Variants in CUBN observed in about 807,000 individuals in gnomAD.
CUBN encodes cubilin, also known as 460 kDa receptor.
Under a neutral mutation model 405.3 loss-of-function variants are expected in CUBN, and 282 were observed. The observed-to-expected ratio is 0.70, with a 90% CI of 0.63 to 0.77. The LOEUF is 0.77. Ranked by LOEUF, CUBN falls within the 30% of genes least tolerant of loss-of-function variation. CUBN has a pLI of 0.00. For missense variants in CUBN, 4,514 were observed against 4,475.2 expected, an observed-to-expected ratio of 1.01 and a Z score of -0.25; for synonymous variants, 1,684 against 1,617.0, an observed-to-expected ratio of 1.04 and a Z score of -0.99.
intron 59 of CUBN, among the ~76,000 whole-genome samples, chr10:16,852,420 ACTCT>A (rs1254564318): frequency 1.4e-4 from 4 of 27,786 alleles, no homozygotes; most frequent in East Asian, 1.1e-3. Flanking sequence ...TCCCTCCCTC[ACTCT>A]ATCTTTCCAT....
chr10:17,047,330 T>A, intron 23 of CUBN, 84 bp downstream of exon 23: 1 of 1,119,108 alleles, frequency 8.9e-7, no homozygotes, highest in South Asian at 1.4e-5. Context: ...AATTTCCATA[T>A]TTTTTTCCTT....
rs763563422 is a variant in CUBN at position 17,019,872 on chromosome 10, G to A, written c.4129C>T (p.Arg1377Cys). ...TGCATCTGAAATCCTTTCTCACGGC[G>A]GCCAACCCCATCTGTAAGGAGCAGC... is the stretch of plus-strand genomic sequence containing the variant. ...QVLLLTDGVG[R>C]REKGFQMQWF... Residue 1377 changes from arginine to cysteine, a missense_variant, in exon 28 of 67, where the codon CGC becomes TGC. Coordinates refer to ENST00000377833, the MANE Select transcript of CUBN (RefSeq NM_001081.4). 65 of 1,613,904 alleles carry A rather than the reference G, an allele frequency of 4.0e-5. No individual in the cohort carries two copies. The highest frequency in any genetic ancestry group is 1.1e-4 in the African/African-American group (8 of 74,868).
chr10:17,084,090 C>T (rs984616231), intron 17 of CUBN, among the ~76,000 whole-genome samples, 181 bp downstream of exon 17: 1 of 152,160 alleles, frequency 6.6e-6, no homozygotes, highest in African/African-American at 2.4e-5. Context: ...CTTATTAGTA[C>T]ATCCTATCAG....
chr10:16,875,192 G>A (rs1840464003), intron 57 of CUBN, among the ~76,000 whole-genome samples: 1 of 151,950 alleles, frequency 6.6e-6, no homozygotes, highest in Non-Finnish European at 1.5e-5. Flanking sequence ...GCAATTAACA[G>A]CTCAGAGCCT....
intron 6 of CUBN, among the ~76,000 whole-genome samples, chr10:17,121,446 A>T (rs1837038695): frequency 6.6e-6 from 1 of 151,362 alleles, no homozygotes; most frequent in Non-Finnish European, 1.5e-5. Context: ...TATCACAAGG[A>T]CAAAAAACCA....
intron 39 of CUBN, among the ~76,000 whole-genome samples, chr10:16,935,216 G>A (rs1842465713): frequency 6.6e-6 from 1 of 152,144 alleles, no homozygotes; most frequent in Non-Finnish European, 1.5e-5. Flanking sequence ...GGAGTGCAGT[G>A]TCATGATCAC....
chr10:16,928,298 T>C lies in CUBN; in HGVS notation c.6130A>G (p.Asn2044Asp). 6.2e-7 allele frequency: 1 copy of C among 1,613,870 alleles called. No individual in the cohort carries two copies. The highest frequency in any genetic ancestry group is 8.5e-7 in the Non-Finnish European group (1 of 1,179,868). The stretch of plus-strand genomic sequence containing the variant: ...ACTGCTAGCTGCTGGGCCAAGTTAT[T>C]ATCTCCTACGTTGAAAGAAAGGGAA... ...YDSLVIRDGD[N>D]NLAQQLAVLC... The change falls in exon 41 of 67, where the codon AAT becomes GAT. Residue 2044 changes from asparagine (N) to aspartate (D), a missense_variant. Physicochemically the swap from Asn to Asp is conservative, Grantham distance 23 (BLOSUM62 1). Transcript: ENST00000377833.
At chr10:17,083,345 A>T (rs933348042) in intron 17 of CUBN, among the ~76,000 whole-genome samples, 2 of 151,974 alleles carry the variant, frequency 1.3e-5, no homozygotes, top group Non-Finnish European at 2.9e-5. Context: ...ATCTCTACTA[A>T]AAATGCAAAA....
At chr10:17,069,332 C>T (rs558164969) in intron 19 of CUBN, among the ~76,000 whole-genome samples, 11 of 152,006 alleles carry the variant, frequency 7.2e-5, no homozygotes, top group Middle Eastern at 3.4e-3. Flanking sequence ...ATTTTCATTC[C>T]CCTTGAGAAT....
In CUBN at chr10:16,949,984, A is replaced by G. The variant is rs79034718; in HGVS notation, c.5080+17T>C. ...ACAGCCAAGACCACAGATGTAGATG[A>G]GTGAACGCTGAGGTACCTCGGAGGG... On this transcript the variant is annotated intron_variant, in intron 34 of 66. Transcript: ENST00000377833. 10,641 of 1,573,024 alleles carry G rather than the reference A, an allele frequency of 6.8e-3. 65 individuals carry two copies. The highest frequency in any genetic ancestry group is 0.013 in the Middle Eastern group (72 of 5,614).
chr10:16,937,660 C>T lies in CUBN; in HGVS notation c.5858G>A (p.Gly1953Glu), dbSNP rs185959848. The T allele has an allele frequency of 1.9e-6, 3 of 1,613,960 alleles. No homozygotes were observed. The East Asian group carries it at 6.7e-5, about 36-fold the overall frequency. ...FHFYSDSSIS[G>E]KGFLLEWFAV... ...AAACCACTCCAGAAGGAATCCCTTC[C>T]CTGAGATTGAAGAGTCGGAGTAAAA... Residue 1953 changes from glycine to glutamate, a missense_variant, in exon 39 of 67, where the codon GGG (glycine) becomes GAG (glutamate). Gly to Glu is a moderately conservative substitution (Grantham distance 98). This residue lies in a region of CUBN where 1,613 missense variants were observed against 1,542.8 expected (regional missense o/e 1.05). Coordinates refer to ENST00000377833, the MANE Select transcript of CUBN (RefSeq NM_001081.4).
intron 14 of CUBN, among the ~76,000 whole-genome samples, chr10:17,093,296 G>A (rs186060226): frequency 3.3e-5 from 5 of 152,254 alleles, no homozygotes; most frequent in Non-Finnish European, 2.9e-5. Flanking sequence ...GAACAGTTTC[G>A]GAGGGGAGGG....
intron 36 of CUBN, 129 bp from the exon 37 acceptor site, chr10:16,940,366 T>G: frequency 1.1e-6 from 1 of 899,060 alleles, no homozygotes; most frequent in African/African-American, 1.7e-5. Context: ...ACAACATTAT[T>G]TGGCTGTCTC....
At chr10:17,063,798 A>G (rs1333083735) in intron 22 of CUBN, among the ~76,000 whole-genome samples, 2 of 152,218 alleles carry the variant, frequency 1.3e-5, no homozygotes, top group African/African-American at 2.4e-5. Flanking sequence ...CAGCCAGTTT[A>G]TTCATGCACC....
At chr10:17,053,610 T>G (rs1014780755) in intron 22 of CUBN, among the ~76,000 whole-genome samples, 1 of 151,402 alleles carries the variant, frequency 6.6e-6, no homozygotes, top group Non-Finnish European at 1.5e-5. Context: ...AAGAAAAAAA[T>G]AAAACCATGA....
Position 17,065,644 on chromosome 10 carries a change from C to G in CUBN, c.3009-6G>C. ...GGATCGACTTTCCACAGTATCTATT[C>G]CAAACCAAGAAAGGACAGATGTGTG... On this transcript the variant is annotated splice_region_variant and splice_polypyrimidine_tract_variant and intron_variant, in intron 21 of 66. Transcript: ENST00000377833. 2 of 1,613,086 alleles carry G rather than the reference C, an allele frequency of 1.2e-6. No individual in the cohort carries two copies. The highest frequency in any genetic ancestry group is 1.7e-6 in the Non-Finnish European group (2 of 1,179,244).
chr10:16,996,621 G>T (rs1035709899), intron 28 of CUBN, among the ~76,000 whole-genome samples: 3 of 151,930 alleles, frequency 2.0e-5, no homozygotes, highest in Middle Eastern at 3.2e-3. Context: ...GTATCTGTGT[G>T]TTTTTAATAA....
chr10:17,098,392 T>C (rs1394012445), intron 14 of CUBN, among the ~76,000 whole-genome samples: 1 of 152,210 alleles, frequency 6.6e-6, no homozygotes, highest in Non-Finnish European at 1.5e-5. Flanking sequence ...AAATTAGTTA[T>C]ACAGCAATAG....
intron 43 of CUBN, among the ~76,000 whole-genome samples, chr10:16,923,339 GTC>G (rs1235231931): frequency 6.6e-6 from 1 of 152,142 alleles, no homozygotes; most frequent in African/African-American, 2.4e-5. Context: ...GCGAAGGAGT[GTC>G]TCTGGAGAAA....
Sources: allele counts gnomAD v4.1 joint callset (sites outside exome capture counted in the v4.1 genomes callset), GRCh38; gene constraint gnomAD v4.1.1; regional missense constraint gnomAD v4.1.1; transcripts MANE v1.5; gene names NCBI Gene and HGNC (gene_info 2026-07-23, HGNC 2026-07-21).